KCNQ5: variants seen among roughly 807,000 people sequenced by gnomAD.
The protein encoded by KCNQ5 is potassium voltage-gated channel subfamily Q member 5.
KCNQ5 carries 30 observed loss-of-function variants against 98.2 expected under a neutral mutation model. The ratio of observed to expected loss-of-function variants is 0.31; its 90% confidence interval spans 0.23 to 0.41. The LOEUF (loss-of-function observed/expected upper bound fraction) is 0.41. KCNQ5 is among the 10% of genes least tolerant of loss of function. KCNQ5 has a pLI of 1.00. For missense variants in KCNQ5, 835 were observed against 1,182.5 expected (o/e 0.71, Z 4.31); for synonymous variants, 458 against 449.4 (o/e 1.02, Z -0.24).
chr6:73,040,343 G>A (rs1771633752), intron 2 of KCNQ5, among the ~76,000 whole-genome samples: 1 of 152,160 alleles, frequency 6.6e-6, no homozygotes, highest in Non-Finnish European at 1.5e-5. Context: ...ATTAGGGGCA[G>A]GGATTAAAAA....
chr6:72,739,466 A>G (rs545443072), intron 1 of KCNQ5, among the ~76,000 whole-genome samples: 2 of 152,318 alleles, frequency 1.3e-5, no homozygotes, highest in East Asian at 3.9e-4. Context: ...CCTTTCCACC[A>G]ACTGCTTATT....
chr6:73,031,353 A>C (rs1394105786), intron 2 of KCNQ5, among the ~76,000 whole-genome samples: 1 of 152,196 alleles, frequency 6.6e-6, no homozygotes, highest in Non-Finnish European at 1.5e-5. Context: ...CTCTCATTGC[A>C]ATTAGTGTCA....
At chr6:72,975,315 T>C (rs1428645067) in intron 1 of KCNQ5, among the ~76,000 whole-genome samples, 1 of 152,174 alleles carries the variant, frequency 6.6e-6, no homozygotes, top group African/African-American at 2.4e-5. Flanking sequence ...ATACCTTTTT[T>C]CTTTACTTAC....
At chr6:72,897,892 C>A (rs1365765152) in intron 1 of KCNQ5, among the ~76,000 whole-genome samples, 4 of 152,114 alleles carry the variant, frequency 2.6e-5, no homozygotes, top group African/African-American at 9.7e-5. Context: ...TACTGTGCTT[C>A]TTCTAAAAAA....
chr6:72,788,879 C>T (rs988968510), intron 1 of KCNQ5, among the ~76,000 whole-genome samples: 15 of 152,024 alleles, frequency 9.9e-5, no homozygotes, highest in African/African-American at 3.4e-4. Flanking sequence ...AAACATAGGC[C>T]ATCCTAAAAA....
chr6:73,067,863 GATATATATATATAT>G (rs71695883), intron 3 of KCNQ5, among the ~76,000 whole-genome samples: 3 of 4,386 alleles, frequency 6.8e-4, no homozygotes, highest in African/African-American at 7.5e-4. Context: ...TTGGACAAAA[GATATATATATATAT>G]ATATATATAT....
intron 1 of KCNQ5, among the ~76,000 whole-genome samples, chr6:72,984,308 C>A (rs1216164488): frequency 2.6e-5 from 4 of 152,196 alleles, no homozygotes; most frequent in African/African-American, 9.7e-5. Context: ...CTATGCCCTG[C>A]CCCCAGAGGT....
chr6:72,885,875 A>G (rs1325264176), intron 1 of KCNQ5, among the ~76,000 whole-genome samples: 4 of 152,180 alleles, frequency 2.6e-5, no homozygotes, highest in Non-Finnish European at 5.9e-5. Flanking sequence ...GGGAGAGACT[A>G]AAAAAATTAA....
At chr6:72,976,632 A>G (rs765926507) in intron 1 of KCNQ5, among the ~76,000 whole-genome samples, 3 of 152,188 alleles carry the variant, frequency 2.0e-5, no homozygotes, top group Non-Finnish European at 4.4e-5. Flanking sequence ...ATTCATTAGC[A>G]TGGTAGCCAG....
intron 1 of KCNQ5, among the ~76,000 whole-genome samples, chr6:72,910,878 AC>A (rs535428849): frequency 3.9e-4 from 59 of 152,222 alleles, no homozygotes; most frequent in African/African-American, 1.3e-3. Context: ...ATATCAGCTG[AC>A]CACCACAAGA....
At position 73,190,678 on chromosome 6, in the gene KCNQ5, G is replaced by C; in HGVS notation, c.1683G>C (p.Leu561Phe). 1.3e-6 allele frequency: 2 copies of C among 1,590,674 alleles called. No homozygotes were observed. The highest frequency in any genetic ancestry group is 1.7e-6 in the Non-Finnish European group (2 of 1,166,564). Residue 561 changes from leucine (L) to phenylalanine (F), a missense_variant, in exon 12 of 14, where the codon TTG (leucine) becomes TTC (phenylalanine). Physicochemically the swap from Leu to Phe is conservative, Grantham distance 22 (BLOSUM62 0). Transcript: ENST00000370398. ...EQYSAGHLDMLCRIKSLQTRV... is the reference protein window; with the variant it reads ...EQYSAGHLDMFCRIKSLQTRV... ...ATTCTGCTGGTCATCTGGACATGTTGTGTAGAATTAAAAGCCTTCAAACAC... is the reference window on the plus strand; with the variant it reads ...ATTCTGCTGGTCATCTGGACATGTTCTGTAGAATTAAAAGCCTTCAAACAC...
chr6:73,145,807 T>C (rs913908941), intron 10 of KCNQ5, among the ~76,000 whole-genome samples: 2 of 152,182 alleles, frequency 1.3e-5, no homozygotes, highest in African/African-American at 4.8e-5. Context: ...AAAAGTTTAA[T>C]TGACTCACAG....
At position 73,184,556 on chromosome 6, in the gene KCNQ5, C is replaced by T. The variant is rs1373398902; in HGVS notation, c.1578-6017C>T. Among the ~76,000 whole-genome samples, 4 of 152,240 alleles carry T rather than the reference C, an allele frequency of 2.6e-5. No homozygotes were observed. The South Asian group carries it at 8.3e-4, about 32-fold the overall frequency. ...TTTCTTCAGCTAGCATTTAATGAAC[C>T]CCCTAATACTTGCCAGGGATTATGC... On this transcript the variant is annotated intron_variant, in intron 11 of 13. Coordinates refer to ENST00000370398, the MANE Select transcript of KCNQ5 (RefSeq NM_019842.4).
chr6:73,136,501 A>G (rs971397250), intron 10 of KCNQ5: 48 of 152,354 alleles, frequency 3.2e-4, no homozygotes, highest in African/African-American at 1.1e-3. Context: ...GTCATTTCAT[A>G]CGAGTACAGT....
At chr6:73,108,054 A>G (rs560383305) in intron 6 of KCNQ5, among the ~76,000 whole-genome samples, 71 of 152,318 alleles carry the variant, frequency 4.7e-4, no homozygotes, top group African/African-American at 1.6e-3. Context: ...GGCTGCCCCT[A>G]TGTAGGGTTC....
At chr6:72,699,219 A>T (rs1484132594) in intron 1 of KCNQ5, among the ~76,000 whole-genome samples, 4 of 152,164 alleles carry the variant, frequency 2.6e-5, no homozygotes, top group African/African-American at 9.7e-5. Flanking sequence ...TTAGATCCAG[A>T]TTCTCTTTTA....
chr6:73,131,887 C>T (rs1582415609), intron 9 of KCNQ5, among the ~76,000 whole-genome samples: 2 of 152,200 alleles, frequency 1.3e-5, no homozygotes, highest in Non-Finnish European at 2.9e-5. Context: ...GTGCCTTCAG[C>T]GAGTCATGCT....
At chr6:72,701,420 G>T (rs891414237) in intron 1 of KCNQ5, among the ~76,000 whole-genome samples, 1 of 152,076 alleles carries the variant, frequency 6.6e-6, no homozygotes, top group African/African-American at 2.4e-5. Context: ...TATGATATCG[G>T]TTTTGCAAAT....
At chr6:73,078,850 A>G (rs1773643599) in intron 5 of KCNQ5, among the ~76,000 whole-genome samples, 1 of 152,250 alleles carries the variant, frequency 6.6e-6, no homozygotes, top group African/African-American at 2.4e-5. Context: ...TTTTCCACTG[A>G]AGCAAAAATT....
Sources: allele counts gnomAD v4.1 joint callset (sites outside exome capture counted in the v4.1 genomes callset), GRCh38; gene constraint gnomAD v4.1.1; transcripts MANE v1.5; gene names NCBI Gene and HGNC (gene_info 2026-07-23, HGNC 2026-07-21).